The following PRP4K variants were observed in gnomAD, a reference collection of about 807,000 sequenced individuals.
PRP4K encodes pre-mRNA processing factor kinase PRP4K.
At chr6:4,062,906 T>C in the PRP4K span, 2 of 152,588 alleles carry the variant, frequency 1.3e-5, no homozygotes, top group Non-Finnish European at 2.9e-5. This position sits in a 1 kb window ranked among gnomAD's most constrained non-coding sequence, Gnocchi z 4.2. Context: ...CTTGTAGTTA[T>C]TTTCACCCAA....
the PRP4K span, chr6:4,047,032 T>C: frequency 1.5e-6 from 1 of 680,194 alleles, no homozygotes; most frequent in Non-Finnish European, 2.6e-6. Context: ...GTTAATAAAG[T>C]GATTCTAAAT....
At chr6:4,047,048 A>G in the PRP4K span, 67 of 721,378 alleles carry the variant, frequency 9.3e-5, 1 homozygote, top group Middle Eastern at 1.2e-3. Context: ...TAAATTGAAT[A>G]CTGTTGGGAA....
the PRP4K span, among the ~76,000 whole-genome samples, chr6:4,029,450 C>T: frequency 1.4e-5 from 2 of 146,450 alleles, no homozygotes; most frequent in Non-Finnish European, 1.5e-5. Flanking sequence ...CTCAAGTAAT[C>T]CTTCCACCTC....
At chr6:4,043,166 C>T in the PRP4K span, among the ~76,000 whole-genome samples, 1 of 152,156 alleles carries the variant, frequency 6.6e-6, no homozygotes, top group African/African-American at 2.4e-5. Flanking sequence ...CTTACCTAAA[C>T]ACACATAGCA....
the PRP4K span, among the ~76,000 whole-genome samples, chr6:4,034,494 T>G: frequency 3.5e-4 from 54 of 152,296 alleles, no homozygotes; most frequent in African/African-American, 1.2e-3. Flanking sequence ...CCAGGAAAGT[T>G]AGGTCAATTT....
At chr6:4,056,139 A>T in the PRP4K span, among the ~76,000 whole-genome samples, 1 of 152,194 alleles carries the variant, frequency 6.6e-6, no homozygotes, top group African/African-American at 2.4e-5. Context: ...TGAATATTTG[A>T]TACATATTAA....
chr6:4,029,460 C>G, the PRP4K span, among the ~76,000 whole-genome samples: 1 of 151,476 alleles, frequency 6.6e-6, no homozygotes, highest in Non-Finnish European at 1.5e-5. Flanking sequence ...CCTTCCACCT[C>G]AGCCTCCTGA....
the PRP4K span, among the ~76,000 whole-genome samples, chr6:4,028,660 C>T: frequency 6.6e-6 from 1 of 152,296 alleles, no homozygotes; most frequent in East Asian, 1.9e-4. Context: ...CACCAGAGGA[C>T]GTAGCTTCTT....
At chr6:4,032,431 G>C in the PRP4K span, 4 of 1,614,108 alleles carry the variant, frequency 2.5e-6, no homozygotes, top group Non-Finnish European at 3.4e-6. Flanking sequence ...TCCAAAGACA[G>C]AAGGTCACGG....
chr6:4,031,528 T>C, the PRP4K span: 17 of 1,389,114 alleles, frequency 1.2e-5, no homozygotes, highest in Non-Finnish European at 1.6e-5. Context: ...ATAAATGATA[T>C]GATTTTAAAA....
the PRP4K span, chr6:4,049,110 A>G: frequency 1.2e-6 from 2 of 1,600,654 alleles, no homozygotes; most frequent in African/African-American, 1.3e-5. Flanking sequence ...TATTATCGTA[A>G]GTTCACATTT....
At chr6:4,029,012 CTTTTTTTT>C in the PRP4K span, among the ~76,000 whole-genome samples, 1 of 132,576 alleles carries the variant, frequency 7.5e-6, no homozygotes, top group South Asian at 2.3e-4. Context: ...TACTTGGAAT[CTTTTTTTT>C]TTTTTTTTTT....
the PRP4K span, among the ~76,000 whole-genome samples, chr6:4,041,214 G>T: frequency 6.6e-6 from 1 of 152,068 alleles, no homozygotes; most frequent in Non-Finnish European, 1.5e-5. Flanking sequence ...CATTAGTCCT[G>T]CCGGCCAGAG....
the PRP4K span, among the ~76,000 whole-genome samples, chr6:4,026,734 A>G: frequency 6.6e-6 from 1 of 152,238 alleles, no homozygotes; most frequent in South Asian, 2.1e-4. Context: ...TGCTTACATT[A>G]TGATAGGGAG....
At chr6:4,029,033 T>A in the PRP4K span, among the ~76,000 whole-genome samples, 1 of 136,728 alleles carries the variant, frequency 7.3e-6, no homozygotes, top group Non-Finnish European at 1.5e-5. Flanking sequence ...TTTTTTTTTT[T>A]AATGAGATGG....
chr6:4,049,751 C>G, the PRP4K span: 7 of 1,612,288 alleles, frequency 4.3e-6, no homozygotes, highest in South Asian at 7.7e-5. Flanking sequence ...TAGGTGAAGT[C>G]CTAGATAAAC....
the PRP4K span, among the ~76,000 whole-genome samples, chr6:4,022,485 T>G: frequency 2.0e-5 from 3 of 151,246 alleles, no homozygotes; most frequent in Non-Finnish European, 2.9e-5. Flanking sequence ...TTTGTTTTTT[T>G]TTGCATCTGC....
At chr6:4,061,029 G>GC in the PRP4K span, 127 of 207,560 alleles carry the variant, frequency 6.1e-4, no homozygotes, top group Non-Finnish European at 9.5e-4. Context: ...GTGTGTGCAG[G>GC]CCACAGCAGC....
chr6:4,032,506 C>T, the PRP4K span: 4 of 1,613,836 alleles, frequency 2.5e-6, no homozygotes, highest in Non-Finnish European at 2.5e-6. Context: ...AAATCTCCCT[C>T]TAAAGATGCT....
Sources: allele counts gnomAD v4.1 joint callset (sites outside exome capture counted in the v4.1 genomes callset), GRCh38; gene constraint gnomAD v4.1.1; non-coding constraint Gnocchi (gnomAD v3.1); transcripts MANE v1.5; gene names NCBI Gene and HGNC (gene_info 2026-07-23, HGNC 2026-07-21).